TMEM14B: variants seen among roughly 807,000 people sequenced by gnomAD.
TMEM14B encodes transmembrane protein 14B.
Under a neutral mutation model 14.8 loss-of-function variants are expected in TMEM14B, and 9 were observed. The observed-to-expected ratio is 0.61, with a 90% confidence interval of 0.37 to 1.06. TMEM14B has a LOEUF of 1.06. Ranked by LOEUF, TMEM14B falls within the 50% of genes least tolerant of loss-of-function variation. The probability of loss-of-function intolerance (pLI) is 0.01; values close to 1 mark genes in which losing one functional copy is unlikely to be tolerated. For synonymous variants in TMEM14B, 40 were observed against 51.3 expected (o/e 0.78, Z 0.94); for missense variants, 128 against 143.6 (o/e 0.89, Z 0.56).
At chr6:10,754,702 T>TA (rs1286028807) in intron 4 of TMEM14B, among the ~76,000 whole-genome samples, 3 of 152,222 alleles carry the variant, frequency 2.0e-5, no homozygotes, top group Non-Finnish European at 4.4e-5. Context: ...CAAAGACAGT[T>TA]ACGATTACTT....
At chr6:10,752,582 A>G (rs972526805) in intron 4 of TMEM14B, among the ~76,000 whole-genome samples, 2 of 147,696 alleles carry the variant, frequency 1.4e-5, no homozygotes, top group African/African-American at 5.0e-5. Context: ...TCAGCCTTCT[A>G]GGTAGTTGGG....
chr6:10,758,501 C>G (rs1012385367), downstream of TMEM14B, among the ~76,000 whole-genome samples: 5 of 152,214 alleles, frequency 3.3e-5, no homozygotes, highest in African/African-American at 4.8e-5. Context: ...CTGCAAAGAT[C>G]CCTGAGTATT....
intron 5 of TMEM14B, 59 bp downstream of exon 5, chr6:10,755,291 C>T: frequency 6.2e-7 from 1 of 1,611,574 alleles, no homozygotes; most frequent in Non-Finnish European, 8.5e-7. Flanking sequence ...GCCCAGAATA[C>T]TTTATGCATT....
intron 4 of TMEM14B, chr6:10,752,794 C>CTACA (rs1771641307): frequency 6.6e-6 from 1 of 152,210 alleles, no homozygotes; most frequent in Non-Finnish European, 1.5e-5. Context: ...GGCCAAAAGC[C>CTACA]TACAGCACCT....
chr6:10,748,090 A>G (rs566182968), intron 1 of TMEM14B, among the ~76,000 whole-genome samples: 2 of 152,216 alleles, frequency 1.3e-5, no homozygotes, highest in South Asian at 4.2e-4. Flanking sequence ...CCTGAGGCAA[A>G]GGCTTACCCT....
intron 2 of TMEM14B, 29 bp downstream of exon 2, chr6:10,749,297 A>G: frequency 6.2e-7 from 1 of 1,613,768 alleles, no homozygotes; most frequent in African/African-American, 1.3e-5. Flanking sequence ...GTTAGAGAGT[A>G]GCCAGGAGCT....
intron 4 of TMEM14B, among the ~76,000 whole-genome samples, chr6:10,751,605 G>T (rs1225792842): frequency 2.6e-5 from 4 of 152,008 alleles, no homozygotes; most frequent in Non-Finnish European, 4.4e-5. Flanking sequence ...ACAAATATGT[G>T]TCAACCGTTG....
chr6:10,754,474 C>G (rs1771730214), intron 4 of TMEM14B, among the ~76,000 whole-genome samples: 1 of 152,196 alleles, frequency 6.6e-6, no homozygotes, highest in African/African-American at 2.4e-5. Flanking sequence ...AAGGGCATTC[C>G]CATCCTTCAG....
downstream of TMEM14B, among the ~76,000 whole-genome samples, chr6:10,758,688 T>C (rs1771882491): frequency 1.3e-5 from 2 of 152,042 alleles, no homozygotes; most frequent in Non-Finnish European, 2.9e-5. Context: ...GGCATTTCTG[T>C]TGAGGGAGTC....
At chr6:10,754,746 A>T (rs116053916) in intron 4 of TMEM14B, among the ~76,000 whole-genome samples, 1,916 of 152,352 alleles carry the variant, frequency 0.013, 19 homozygotes, top group East Asian at 0.027. Flanking sequence ...AGCGCTTGAC[A>T]TGTAGTAGGT....
At chr6:10,756,170 C>T (rs1238521700) in intron 5 of TMEM14B, among the ~76,000 whole-genome samples, 1 of 152,196 alleles carries the variant, frequency 6.6e-6, no homozygotes, top group African/African-American at 2.4e-5. Flanking sequence ...TAAATCAGAT[C>T]TGTGATGGTG....
downstream of TMEM14B, chr6:10,759,439 C>T (rs1771909719): frequency 6.6e-6 from 1 of 152,064 alleles, no homozygotes; most frequent in Admixed American, 6.6e-5. Flanking sequence ...ATGGAAATCC[C>T]CGTGAACATG....
At chr6:10,749,162 T>C in intron 1 of TMEM14B, 40 bp from the exon 2 acceptor site, 1 of 1,389,608 alleles carries the variant, frequency 7.2e-7, no homozygotes, top group Non-Finnish European at 1.0e-6. Flanking sequence ...GCTGGGGAGC[T>C]GTGCTTTTAA....
Position 10,756,877 on chromosome 6 carries a change from G to A in TMEM14B, c.*359G>A. The A allele has an allele frequency of 1.0e-6, 1 of 991,272 alleles. No individual in the cohort carries two copies. Among genetic ancestry groups the A allele is most frequent in the Non-Finnish European group, 1.2e-6 (1 of 833,930 alleles). The allele number at this position is 991,272 out of a possible 1,614,324, so 61.4% of individuals were successfully genotyped here. A position where few individuals can be genotyped will look rare whatever the true frequency, so the allele number is the denominator to read the frequency against. ...GGAACAGTGTGAAAAAAAATCTCTT[G>A]AGAGATTTAGAATATCTTTTCTTTT... is the stretch of plus-strand genomic sequence containing the variant. On this transcript the variant is annotated 3_prime_UTR_variant, in exon 6 of 6. Coordinates refer to ENST00000379542, the MANE Select transcript of TMEM14B (RefSeq NM_030969.5).
downstream of TMEM14B, among the ~76,000 whole-genome samples, chr6:10,758,539 A>G (rs1771878163): frequency 6.6e-6 from 1 of 152,232 alleles, no homozygotes; most frequent in African/African-American, 2.4e-5. Flanking sequence ...GCTGGGTCCT[A>G]GCAGTGCAAA....
intron 4 of TMEM14B, among the ~76,000 whole-genome samples, chr6:10,753,705 C>G (rs1055095043): frequency 3.3e-5 from 5 of 152,068 alleles, no homozygotes; most frequent in Non-Finnish European, 7.3e-5. Context: ...ACACACTCCC[C>G]CTGTCTTCTG....
At position 10,756,447 on chromosome 6, in the gene TMEM14B, A is replaced by C. The variant is rs6922852; in HGVS notation, c.294-20A>C. 3 of 1,613,322 alleles carry C rather than the reference A, an allele frequency of 1.9e-6. No homozygotes were observed. Among genetic ancestry groups the C allele is most frequent in the Non-Finnish European group, 2.5e-6 (3 of 1,179,698 alleles). On this transcript the variant is annotated intron_variant, in intron 5 of 5. Transcript: ENST00000379542. ...TTCTATCCTTTACCTGATGTTTTCT[A>C]TCTTACTTGTTTTAAACAGTTTGCT...
intron 3 of TMEM14B, among the ~76,000 whole-genome samples, 180 bp from the exon 4 acceptor site, chr6:10,750,953 C>T (rs539379439): frequency 6.6e-6 from 1 of 151,786 alleles, no homozygotes; most frequent in African/African-American, 2.4e-5. Context: ...GTGGGAAGAC[C>T]CTGACTTCTC....
At chr6:10,749,318 A>T (rs369795951) in intron 2 of TMEM14B, 50 bp downstream of exon 2, 8 of 1,608,132 alleles carry the variant, frequency 5.0e-6, no homozygotes, top group Non-Finnish European at 6.0e-6. Context: ...TCTGGAAACC[A>T]GAGTTCCTTT....
Sources: gnomAD v4.1 joint callset for allele counts (sites outside exome capture counted in the v4.1 genomes callset) on GRCh38, gnomAD v4.1.1 for gene constraint, MANE v1.5 for transcripts, NCBI Gene and HGNC (gene_info 2026-07-23, HGNC 2026-07-21) for gene names.